Variants in CMSS1 observed in about 807,000 individuals in gnomAD.
The protein encoded by CMSS1 is protein CMSS1.
CMSS1 carries 33 observed loss-of-function variants against 43.5 expected under a neutral mutation model. That is an observed-to-expected ratio of 0.76 (90% CI 0.57 to 1.01). The LOEUF (loss-of-function observed/expected upper bound fraction) is 1.01. Among genes scored for constraint, CMSS1 ranks in the 50% least tolerant of loss-of-function variants. The pLI is 0.00. For synonymous variants in CMSS1, 115 were observed against 117.2 expected (o/e 0.98, Z 0.12); for missense variants, 313 against 326.4 (o/e 0.96, Z 0.32).
intron 1 of CMSS1, among the ~76,000 whole-genome samples, chr3:100,101,312 G>C (rs935104565): frequency 6.6e-6 from 1 of 152,164 alleles, no homozygotes; most frequent in Non-Finnish European, 1.5e-5. Flanking sequence ...GGAGTGCATT[G>C]ACTTCGTTGA....
chr3:99,863,016 T>C (rs1469183399), intron 1 of CMSS1, among the ~76,000 whole-genome samples: 2 of 152,186 alleles, frequency 1.3e-5, no homozygotes, highest in Non-Finnish European at 1.5e-5. Flanking sequence ...CTTTGTCTGC[T>C]GGGTTTAGAT....
At chr3:100,039,272 T>C (rs1054966754) in intron 1 of CMSS1, among the ~76,000 whole-genome samples, 3 of 152,184 alleles carry the variant, frequency 2.0e-5, no homozygotes, top group African/African-American at 4.8e-5. Context: ...CTGAGCAACC[T>C]TTTCTAAGTG....
chr3:100,066,784 GCCTCCC>G (rs2065672966), intron 1 of CMSS1, among the ~76,000 whole-genome samples: 1 of 151,206 alleles, frequency 6.6e-6, no homozygotes, highest in Non-Finnish European at 1.5e-5. Flanking sequence ...GCCCGCCTCG[GCCTCCC>G]AAAGTGCTGG....
chr3:99,881,162 T>A (rs1282421315), intron 1 of CMSS1, among the ~76,000 whole-genome samples: 1 of 152,184 alleles, frequency 6.6e-6, no homozygotes, highest in Non-Finnish European at 1.5e-5. Context: ...AAGTTGGCTA[T>A]GGACTCTAGT....
intron 1 of CMSS1, among the ~76,000 whole-genome samples, chr3:100,035,001 A>G (rs2065082746): frequency 6.6e-6 from 1 of 152,156 alleles, no homozygotes; most frequent in Admixed American, 6.5e-5. Flanking sequence ...TGCTATCTCC[A>G]TGTAGTCAGC....
intron 1 of CMSS1, among the ~76,000 whole-genome samples, chr3:100,027,356 A>T (rs2064943791): frequency 6.6e-6 from 1 of 152,154 alleles, no homozygotes; most frequent in Non-Finnish European, 1.5e-5. Flanking sequence ...TTGATGAATG[A>T]ATGAATCTTA....
intron 1 of CMSS1, among the ~76,000 whole-genome samples, chr3:100,002,536 T>G (rs758945512): frequency 3.9e-5 from 6 of 152,216 alleles, no homozygotes; most frequent in Non-Finnish European, 7.3e-5. Flanking sequence ...AGGATGGAAG[T>G]AGCCTAAAAT....
At chr3:100,077,897 G>A (rs1480408448) in intron 1 of CMSS1, among the ~76,000 whole-genome samples, 1 of 152,020 alleles carries the variant, frequency 6.6e-6, no homozygotes, top group Admixed American at 6.5e-5. Context: ...GACAGAATAA[G>A]ACCCTGTCTC....
At chr3:100,016,307 C>T (rs6808765) in intron 1 of CMSS1, among the ~76,000 whole-genome samples, 88,175 of 151,950 alleles carry the variant, frequency 0.58, 25,773 homozygotes, top group East Asian at 0.72. Flanking sequence ...ATTCTCCTGC[C>T]TCAGCCTCCC....
At chr3:99,994,945 T>G (rs1206002548) in intron 1 of CMSS1, among the ~76,000 whole-genome samples, 1 of 152,124 alleles carries the variant, frequency 6.6e-6, no homozygotes, top group Admixed American at 6.5e-5. Context: ...CAATTCAAGT[T>G]GAGATTTGGG....
intron 1 of CMSS1, among the ~76,000 whole-genome samples, chr3:100,004,628 C>T (rs1709936966): frequency 6.6e-6 from 1 of 152,128 alleles, no homozygotes; most frequent in African/African-American, 2.4e-5. Context: ...GAGTAGCCAA[C>T]AGGATGTCAT....
chr3:100,172,295 T>A, intron 7 of CMSS1, 21 bp from the exon 8 acceptor site: 1 of 1,608,214 alleles, frequency 6.2e-7, no homozygotes, highest in Non-Finnish European at 8.5e-7. Context: ...CTTTTCTTTC[T>A]TCTCTTTCAT....
rs145277315 is a variant in CMSS1, at chr3:99,825,550, G to A, written c.64+7507G>A. 5.8e-4 allele frequency among the ~76,000 whole-genome samples: 89 copies of A among 152,160 alleles called. 1 individual carries two copies. In the East Asian group the frequency reaches 0.016, roughly 27 times the overall value. ...AGTTCTTTCAGATGATTAAATGAGT[G>A]GTTCTTGACAACAATTACGAACATT... On this transcript the variant is annotated intron_variant, in intron 1 of 9. Coordinates refer to ENST00000421999, the MANE Select transcript of CMSS1 (RefSeq NM_032359.4).
At chr3:100,121,724 T>C (rs2066623513) in intron 1 of CMSS1, among the ~76,000 whole-genome samples, 1 of 152,156 alleles carries the variant, frequency 6.6e-6, no homozygotes, top group Admixed American at 6.5e-5. Flanking sequence ...TCTTCCACAA[T>C]GGTTGAACTA....
At chr3:100,044,519 G>A (rs1694631960) in intron 1 of CMSS1, among the ~76,000 whole-genome samples, 1 of 152,072 alleles carries the variant, frequency 6.6e-6, no homozygotes, top group Admixed American at 6.6e-5. Context: ...AAGTCAGGAA[G>A]GAACTTGAGA....
intron 1 of CMSS1, among the ~76,000 whole-genome samples, chr3:100,052,471 A>T (rs2065390774): frequency 6.6e-6 from 1 of 152,026 alleles, no homozygotes; most frequent in South Asian, 2.1e-4. Flanking sequence ...CAGTTGGAGG[A>T]TGGGTCTTAT....
intron 1 of CMSS1, among the ~76,000 whole-genome samples, chr3:99,851,800 A>G (rs1359820188): frequency 6.6e-6 from 1 of 152,230 alleles, no homozygotes; most frequent in African/African-American, 2.4e-5. Flanking sequence ...CTTGGTTTGC[A>G]CTAGCACAAC....
chr3:99,857,248 G>A (rs765738858), intron 1 of CMSS1, among the ~76,000 whole-genome samples: 3 of 152,200 alleles, frequency 2.0e-5, no homozygotes, highest in Non-Finnish European at 1.5e-5. Flanking sequence ...GTATGAGTGG[G>A]TTTCCCATCA....
intron 1 of CMSS1, among the ~76,000 whole-genome samples, chr3:100,062,174 C>T (rs1479956709): frequency 4.7e-5 from 6 of 126,460 alleles, no homozygotes; most frequent in Admixed American, 2.0e-4. Flanking sequence ...TGCAGTGGCG[C>T]GATCTTGGCT....
Sources: allele counts gnomAD v4.1 joint callset (sites outside exome capture counted in the v4.1 genomes callset), GRCh38; gene constraint gnomAD v4.1.1; transcripts MANE v1.5; gene names NCBI Gene and HGNC (gene_info 2026-07-23, HGNC 2026-07-21).